Variants in MEI1 observed in about 807,000 individuals in gnomAD.
The protein encoded by MEI1 is meiosis inhibitor protein 1.
A neutral mutation model predicts 146.2 loss-of-function variants in MEI1; 103 were observed. The observed-to-expected ratio is 0.70, with a 90% confidence interval of 0.60 to 0.83. The LOEUF (loss-of-function observed/expected upper bound fraction) is 0.83. Ranked by LOEUF, MEI1 falls within the 40% of genes least tolerant of loss-of-function variation. The pLI, the probability that MEI1 is intolerant of heterozygous loss-of-function variation, is 0.00. For missense variants in MEI1, 1,529 were observed against 1,533.0 expected, an observed-to-expected ratio of 1.00 and a Z score of 0.04; for synonymous variants, 652 against 628.2, an observed-to-expected ratio of 1.04 and a Z score of -0.57.
chr22:41,796,255 T>G (rs1019731744), intron 30 of MEI1, among the ~76,000 whole-genome samples: 1 of 152,164 alleles, frequency 6.6e-6, no homozygotes, highest in African/African-American at 2.4e-5. Flanking sequence ...TGGCACGATC[T>G]TGGCTCACTG....
intron 12 of MEI1, among the ~76,000 whole-genome samples, chr22:41,743,439 A>G (rs2073039552): frequency 9.4e-6 from 1 of 106,758 alleles, no homozygotes; most frequent in African/African-American, 4.3e-5. Flanking sequence ...GTCCAAAACT[A>G]TAAAGTACCT....
intron 6 of MEI1, 108 bp from the exon 7 acceptor site, chr22:41,723,835 T>G (rs1187511304): frequency 7.6e-7 from 1 of 1,319,206 alleles, no homozygotes; most frequent in African/African-American, 1.5e-5. Context: ...TTCTTCATAT[T>G]TGTAGAGGGA....
chr22:41,784,219 C>T (rs559326471), intron 24 of MEI1, 120 bp from the exon 25 acceptor site: 31 of 845,144 alleles, frequency 3.7e-5, no homozygotes, highest in Admixed American at 3.1e-4. Context: ...TGGCCTCCTC[C>T]GTCCCCTTTT....
At chr22:41,756,265 G>C (rs1214396896) in intron 17 of MEI1, among the ~76,000 whole-genome samples, 2 of 152,124 alleles carry the variant, frequency 1.3e-5, no homozygotes, top group Admixed American at 1.3e-4. Flanking sequence ...CTCACGAATA[G>C]CTGGGACTAC....
intron 14 of MEI1, among the ~76,000 whole-genome samples, chr22:41,746,552 ACTTGATC>A (rs1330312552): frequency 2.6e-5 from 4 of 152,154 alleles, no homozygotes; most frequent in African/African-American, 9.7e-5. Context: ...CTGAAGAGAG[ACTTGATC>A]CTTGATCCTG....
At position 41,699,542 on chromosome 22, in the gene MEI1, G is replaced by T. The variant is rs748688084; in HGVS notation, c.4G>T (p.Ala2Ser). The stretch of plus-strand genomic sequence containing the variant: ...TCAGCTGAGGGCAAGCGAGGAGATG[G>T]CTGTGAGGCAGGCGGCGACGGCGGG... M[A>S]VRQAATAGTP... The change falls in exon 1 of 31, where the codon GCT (alanine) becomes TCT (serine). Residue 2 changes from alanine to serine, a missense_variant. Coordinates refer to ENST00000401548, the MANE Select transcript of MEI1 (RefSeq NM_152513.4). 6.2e-7 allele frequency: 1 copy of T among 1,610,372 alleles called. No homozygotes were observed. Among genetic ancestry groups the T allele is most frequent in the Non-Finnish European group, 8.5e-7 (1 of 1,178,526 alleles).
intron 4 of MEI1, 84 bp downstream of exon 4, chr22:41,714,159 T>C: frequency 7.4e-7 from 1 of 1,346,958 alleles, no homozygotes; most frequent in South Asian, 1.3e-5. Flanking sequence ...AATGAGAGAT[T>C]GAAGTCCAGG....
intron 19 of MEI1, among the ~76,000 whole-genome samples, chr22:41,763,563 A>G (rs1482277294): frequency 6.6e-6 from 1 of 151,904 alleles, no homozygotes; most frequent in Non-Finnish European, 1.5e-5. Context: ...GAAAATCGGG[A>G]CTGAGGCTGG....
At chr22:41,794,038 C>A in intron 27 of MEI1, 128 bp downstream of exon 27, 1 of 931,098 alleles carries the variant, frequency 1.1e-6, no homozygotes, top group Non-Finnish European at 1.7e-6. Context: ...ATTCTTTTAG[C>A]AGCACTGCAA....
At chr22:41,742,088 C>G (rs1037142549) in intron 11 of MEI1, among the ~76,000 whole-genome samples, 4 of 151,788 alleles carry the variant, frequency 2.6e-5, no homozygotes, top group Non-Finnish European at 4.4e-5. Flanking sequence ...GGTGAAATCT[C>G]ATCTCTACTA....
At chr22:41,721,564 ATT>A (rs57977638) in intron 6 of MEI1, among the ~76,000 whole-genome samples, 2 of 150,816 alleles carry the variant, frequency 1.3e-5, no homozygotes, top group African/African-American at 4.9e-5. Context: ...TAATTAAAAA[ATT>A]TTTTTTTGTA....
At chr22:41,728,578 A>G (rs1016458514) in intron 7 of MEI1, among the ~76,000 whole-genome samples, 1 of 152,152 alleles carries the variant, frequency 6.6e-6, no homozygotes, top group Non-Finnish European at 1.5e-5. Flanking sequence ...TTTTAAAATG[A>G]GCTGGGGCTG....
chr22:41,709,808 G>A (rs1262746563), intron 3 of MEI1, among the ~76,000 whole-genome samples: 2 of 152,098 alleles, frequency 1.3e-5, no homozygotes, highest in Admixed American at 1.3e-4. Flanking sequence ...CCTATTGGTT[G>A]AATGACATGA....
chr22:41,716,193 T>C (rs770830414), intron 5 of MEI1, 47 bp downstream of exon 5: 3 of 1,314,150 alleles, frequency 2.3e-6, no homozygotes, highest in South Asian at 2.5e-5. Context: ...TACCTGCTTT[T>C]ATCATACTGC....
At chr22:41,710,616 G>GT (rs1210456211) in intron 3 of MEI1, among the ~76,000 whole-genome samples, 1 of 152,216 alleles carries the variant, frequency 6.6e-6, no homozygotes, top group Admixed American at 6.5e-5. Flanking sequence ...AGCTGATAGA[G>GT]TATGGGATAA....
At chr22:41,771,374 A>G (rs901313729) in intron 20 of MEI1, among the ~76,000 whole-genome samples, 3 of 152,196 alleles carry the variant, frequency 2.0e-5, no homozygotes, top group Admixed American at 2.0e-4. Flanking sequence ...TTTTGCCATG[A>G]CTTACATGAT....
intron 15 of MEI1, among the ~76,000 whole-genome samples, chr22:41,751,168 G>A (rs982779482): frequency 4.6e-5 from 7 of 152,142 alleles, no homozygotes; most frequent in African/African-American, 1.7e-4. Context: ...CTGAGAGATT[G>A]GGCCAAGAGG....
At chr22:41,700,224 C>CA (rs1481205426) in intron 1 of MEI1, among the ~76,000 whole-genome samples, 1 of 152,216 alleles carries the variant, frequency 6.6e-6, no homozygotes, top group Non-Finnish European at 1.5e-5. Context: ...ACAGGAGTGA[C>CA]AGGTTACAGC....
chr22:41,784,454 CT>C (rs763298112), intron 25 of MEI1, 34 bp downstream of exon 25: 9 of 1,611,076 alleles, frequency 5.6e-6, no homozygotes, highest in Admixed American at 5.0e-5. Context: ...AGAAGAAAAG[CT>C]TTTTCCCTAG....
Sources: gnomAD v4.1 joint callset for allele counts (sites outside exome capture counted in the v4.1 genomes callset) on GRCh38, gnomAD v4.1.1 for gene constraint, MANE v1.5 for transcripts, NCBI Gene and HGNC (gene_info 2026-07-23, HGNC 2026-07-21) for gene names.